SGCZ: variants seen among roughly 807,000 people sequenced by gnomAD.
The protein encoded by SGCZ is zeta-sarcoglycan.
A neutral mutation model predicts 41.3 loss-of-function variants in SGCZ; 40 were observed. The ratio of observed to expected loss-of-function variants is 0.97; its 90% CI spans 0.75 to 1.26. SGCZ has a LOEUF of 1.26. SGCZ is among the 50% of genes most tolerant of loss of function. The pLI is 0.00. For missense variants in SGCZ, 552 were observed against 369.8 expected (o/e 1.49, Z -4.04); for synonymous variants, 206 against 137.5 (o/e 1.50, Z -3.49).
At position 14,669,381 on chromosome 8, in the gene SGCZ, G is replaced by GTAAA. The variant is rs777080639; in HGVS notation, c.40-114456_40-114455insTTTA. 6.5e-3 allele frequency among the ~76,000 whole-genome samples: 945 copies of GTAAA among 145,408 alleles called. 9 individuals carry two copies. Among genetic ancestry groups the GTAAA allele is most frequent in the Non-Finnish European group, 9.8e-3 (657 of 67,088 alleles). ...TCTAAGTAAGTAAGTAAGTAAGTAAGTAAGTAAATAAATAAATAAATAAAT... is the reference window on the plus strand; with the variant it reads ...TCTAAGTAAGTAAGTAAGTAAGTAAGTAAATAAGTAAATAAATAAATAAATAAAT... On this transcript the variant is annotated intron_variant, in intron 1 of 7. Transcript: ENST00000382080.
chr8:14,351,880 T>C (rs1217344779), intron 2 of SGCZ, among the ~76,000 whole-genome samples: 1 of 152,112 alleles, frequency 6.6e-6, no homozygotes, highest in Non-Finnish European at 1.5e-5. Context: ...AAAGCTGGAA[T>C]GAATTCCCAA....
At chr8:15,117,835 C>A (rs1807329412) in intron 1 of SGCZ, among the ~76,000 whole-genome samples, 1 of 152,058 alleles carries the variant, frequency 6.6e-6, no homozygotes, top group Admixed American at 6.6e-5. Context: ...AGATCTAGGG[C>A]CAAAAATCTC....
chr8:14,941,715 G>A (rs927618419), intron 1 of SGCZ, among the ~76,000 whole-genome samples: 1 of 151,658 alleles, frequency 6.6e-6, no homozygotes, highest in African/African-American at 2.4e-5. Flanking sequence ...GAGAGAGTTT[G>A]TACATCTATT....
chr8:14,257,638 C>A (rs1315081867), intron 3 of SGCZ, among the ~76,000 whole-genome samples: 2 of 145,158 alleles, frequency 1.4e-5, no homozygotes, highest in South Asian at 2.2e-4. Flanking sequence ...CCTCCTCCCC[C>A]CGCCCTATGA....
chr8:14,267,331 G>T (rs1799907882), intron 3 of SGCZ, among the ~76,000 whole-genome samples: 1 of 151,822 alleles, frequency 6.6e-6, no homozygotes, highest in African/African-American at 2.4e-5. Context: ...CCCACGGGAG[G>T]AAAAAAGCAT....
At chr8:14,415,781 C>T (rs181614966) in intron 2 of SGCZ, among the ~76,000 whole-genome samples, 38 of 151,954 alleles carry the variant, frequency 2.5e-4, no homozygotes, top group Middle Eastern at 6.8e-3. Context: ...GTGACAGCAA[C>T]GAAAGTGTGC....
intron 1 of SGCZ, among the ~76,000 whole-genome samples, chr8:14,832,521 T>C (rs1802567175): frequency 6.6e-6 from 1 of 152,164 alleles, no homozygotes; most frequent in Non-Finnish European, 1.5e-5. Context: ...GGTGAATCTT[T>C]TCCTTCTGTG....
intron 3 of SGCZ, among the ~76,000 whole-genome samples, chr8:14,290,920 C>G (rs1800818320): frequency 6.6e-6 from 1 of 152,018 alleles, no homozygotes; most frequent in African/African-American, 2.4e-5. Context: ...TTCACCATAG[C>G]TAAAATATGG....
intron 2 of SGCZ, among the ~76,000 whole-genome samples, chr8:14,501,254 G>C (rs553714011): frequency 1.1e-4 from 17 of 151,632 alleles, no homozygotes; most frequent in Non-Finnish European, 2.2e-4. Context: ...ATTGCATTGA[G>C]TCTACCTGAA....
At chr8:14,490,440 G>T (rs934907140) in intron 2 of SGCZ, among the ~76,000 whole-genome samples, 8 of 152,198 alleles carry the variant, frequency 5.3e-5, no homozygotes, top group Admixed American at 4.6e-4. Flanking sequence ...TATATTTTGA[G>T]TATGATAAGT....
At chr8:14,479,764 T>TTTTTTTTTTTTTTTTTTTTTGTG (rs1801480434) in intron 2 of SGCZ, among the ~76,000 whole-genome samples, 1 of 138,318 alleles carries the variant, frequency 7.2e-6, no homozygotes, top group African/African-American at 2.6e-5. Context: ...TTTTTTTTAT[T>TTTTTTTTTTTTTTTTTTTTTGTG]TGAGATGGAG....
At chr8:15,229,041 A>C (rs1041153856) in intron 1 of SGCZ, among the ~76,000 whole-genome samples, 1 of 152,094 alleles carries the variant, frequency 6.6e-6, no homozygotes, top group Admixed American at 6.6e-5. Context: ...AAAATACAAA[A>C]ATCAGCCAGG....
At chr8:14,872,925 C>G (rs2130706402) in intron 1 of SGCZ, among the ~76,000 whole-genome samples, 1 of 152,206 alleles carries the variant, frequency 6.6e-6, no homozygotes, top group East Asian at 1.9e-4. Flanking sequence ...ACAAGTTTCA[C>G]TGACTTGAGA....
At chr8:14,542,251 T>C (rs545531268) in intron 2 of SGCZ, among the ~76,000 whole-genome samples, 1 of 152,228 alleles carries the variant, frequency 6.6e-6, no homozygotes, top group East Asian at 1.9e-4. Flanking sequence ...CTTCTAGGGT[T>C]TTTATAGTTT....
chr8:14,336,391 C>G (rs1345421593), intron 2 of SGCZ, among the ~76,000 whole-genome samples: 1 of 152,134 alleles, frequency 6.6e-6, no homozygotes, highest in Non-Finnish European at 1.5e-5. Flanking sequence ...AATAGTGCTG[C>G]AGTGAACATA....
intron 4 of SGCZ, among the ~76,000 whole-genome samples, chr8:14,226,376 T>C (rs779844356): frequency 2.0e-5 from 3 of 152,080 alleles, no homozygotes; most frequent in Non-Finnish European, 2.9e-5. Context: ...TCTCTTGTGC[T>C]ATCGCTTTGT....
At chr8:14,539,216 T>G (rs1394716906) in intron 2 of SGCZ, among the ~76,000 whole-genome samples, 1 of 151,998 alleles carries the variant, frequency 6.6e-6, no homozygotes, top group South Asian at 2.1e-4. Context: ...TCCCGCCAAA[T>G]GGCCTAACCT....
chr8:14,412,184 C>A (rs1347842835), intron 2 of SGCZ, among the ~76,000 whole-genome samples: 1 of 152,026 alleles, frequency 6.6e-6, no homozygotes, highest in Non-Finnish European at 1.5e-5. Context: ...GGGCTTTAGT[C>A]TCACAGACCG....
chr8:14,361,479 G>T (rs1803509270), intron 2 of SGCZ, among the ~76,000 whole-genome samples: 1 of 152,010 alleles, frequency 6.6e-6, no homozygotes, highest in African/African-American at 2.4e-5. Flanking sequence ...ATCTGCTATT[G>T]AAGCTTGTGT....
Sources: gnomAD v4.1 joint callset for allele counts (sites outside exome capture counted in the v4.1 genomes callset) on GRCh38, gnomAD v4.1.1 for gene constraint, MANE v1.5 for transcripts, NCBI Gene and HGNC (gene_info 2026-07-23, HGNC 2026-07-21) for gene names.